Variants in XRN1 observed in about 807,000 individuals in gnomAD.
XRN1 encodes the protein 5'-3' exoribonuclease 1.
Under a neutral mutation model 222.3 loss-of-function variants are expected in XRN1, and 67 were observed. The observed-to-expected ratio is 0.30, with a 90% CI of 0.25 to 0.37. XRN1 has a LOEUF of 0.37. XRN1 is among the 10% of genes least tolerant of loss of function. The pLI is 1.00. For synonymous variants in XRN1, 643 were observed against 652.4 expected (o/e 0.99, Z 0.22); for missense variants, 1,707 against 2,000.2 (o/e 0.85, Z 2.80).
intron 2 of XRN1, among the ~76,000 whole-genome samples, chr3:142,431,935 GTA>G (rs2069599387): frequency 1.5e-5 from 1 of 66,002 alleles, no homozygotes; most frequent in African/African-American, 6.0e-5. Context: ...ATAATATATT[GTA>G]TATATTATAT....
At chr3:142,426,862 A>G in intron 2 of XRN1, 21 bp from the exon 3 acceptor site, 3 of 1,595,810 alleles carry the variant, frequency 1.9e-6, no homozygotes, top group South Asian at 1.1e-5. Flanking sequence ...AAGGGAAAAA[A>G]GTACCTTAAG....
In XRN1 at chr3:142,444,572, G is replaced by C. The variant is rs12635122; in HGVS notation, c.75+3298C>G. Among the ~76,000 whole-genome samples the C allele has an allele frequency of 0.012, 1,810 of 152,158 alleles. 61 individuals carry two copies. The East Asian group carries it at 0.13, about 11-fold the overall frequency. On this transcript the variant is annotated intron_variant, in intron 1 of 40. Transcript: ENST00000392981. ...TGCAGTGAGCCGAGATTGCGTCACT[G>C]TACTCCAGCCGGGGTGACAGAGCGC... is the stretch of plus-strand genomic sequence containing the variant.
intron 1 of XRN1, among the ~76,000 whole-genome samples, chr3:142,438,669 T>G (rs2070044011): frequency 6.6e-6 from 1 of 152,078 alleles, no homozygotes; most frequent in Non-Finnish European, 1.5e-5. Flanking sequence ...TGACTTATAC[T>G]CTTCTGCAGT....
chr3:142,355,594 G>A (rs2066443134), intron 31 of XRN1, 98 bp from the exon 32 acceptor site: 1 of 791,296 alleles, frequency 1.3e-6, no homozygotes, highest in Non-Finnish European at 1.9e-6. Flanking sequence ...TTATTCAGTG[G>A]TAGACAGGAT....
intron 21 of XRN1, among the ~76,000 whole-genome samples, chr3:142,384,204 G>A (rs756145281): frequency 5.3e-5 from 8 of 151,086 alleles, no homozygotes; most frequent in East Asian, 1.9e-4. Context: ...CCCAGAAGGC[G>A]GAGCCTGCAG....
chr3:142,429,892 T>G (rs1482160455), intron 2 of XRN1: 2 of 152,232 alleles, frequency 1.3e-5, no homozygotes, highest in Non-Finnish European at 2.9e-5. Context: ...ATCCCAGTAT[T>G]CAGTATCTTT....
In XRN1 at chr3:142,403,777, A is replaced by C. The variant is rs1220035298; in HGVS notation, c.2005-5T>G. The C allele has an allele frequency of 6.2e-7, 1 of 1,611,212 alleles. No homozygotes were observed. Among genetic ancestry groups the C allele is most frequent in the African/African-American group, 1.3e-5 (1 of 74,844 alleles). On this transcript the variant is annotated splice_region_variant and splice_polypyrimidine_tract_variant and intron_variant, in intron 17 of 40. Coordinates refer to ENST00000392981, the MANE Select transcript of XRN1 (RefSeq NM_001282857.2). ...ACCACTTTTCTTCAAAAAAAACTTT[A>C]AAAGAATTCAAATAATTTAATTTTA...
At chr3:142,396,519 A>G (rs1233182027) in intron 20 of XRN1, among the ~76,000 whole-genome samples, 1 of 152,174 alleles carries the variant, frequency 6.6e-6, no homozygotes, top group Non-Finnish European at 1.5e-5. Context: ...CACTGTTGGG[A>G]GGCAAAAATA....
intron 26 of XRN1, 106 bp downstream of exon 26, chr3:142,371,129 CAAAA>C (rs372983936): frequency 2.9e-3 from 1,857 of 639,640 alleles, no homozygotes; most frequent in East Asian, 3.5e-3. Flanking sequence ...GAACCTGTCT[CAAAA>C]AAAAAAAAAA....
intron 33 of XRN1, among the ~76,000 whole-genome samples, chr3:142,337,391 A>C (rs1213289557): frequency 6.6e-6 from 1 of 152,164 alleles, no homozygotes; most frequent in African/African-American, 2.4e-5. Context: ...ACTCCATTAT[A>C]CTCTAGGAGG....
chr3:142,315,517 T>C (rs2065190571), intron 39 of XRN1, among the ~76,000 whole-genome samples: 1 of 151,542 alleles, frequency 6.6e-6, no homozygotes, highest in African/African-American at 2.4e-5. Context: ...TTTTTCTTTT[T>C]TTTTTTTTTG....
At position 142,371,724 on chromosome 3, in the gene XRN1, C is replaced by A. The variant is rs113444666; in HGVS notation, c.2979-396G>T. On this transcript the variant is annotated intron_variant, in intron 25 of 40. Transcript: ENST00000392981. ...CATCTTCTGATAATTTTCAAAACTC[C>A]ATTTCTTTCTGAAGAGTGCAGGACT... Among the ~76,000 whole-genome samples, 358 of 152,258 alleles carry A rather than the reference C, an allele frequency of 2.4e-3. 1 individual carries two copies. Among genetic ancestry groups the A allele is most frequent in the African/African-American group, 7.9e-3 (328 of 41,556 alleles).
intron 21 of XRN1, among the ~76,000 whole-genome samples, chr3:142,384,229 G>A (rs1399442413): frequency 3.4e-5 from 5 of 145,396 alleles, no homozygotes; most frequent in East Asian, 2.0e-4. Context: ...CCGAGATGGC[G>A]CCACTGCACT....
intron 26 of XRN1, 50 bp from the exon 27 acceptor site, chr3:142,370,670 C>A: frequency 6.7e-7 from 1 of 1,481,530 alleles, no homozygotes; most frequent in Non-Finnish European, 9.0e-7. Flanking sequence ...TTTCTCAGGG[C>A]TATAAATTAT....
intron 1 of XRN1, among the ~76,000 whole-genome samples, chr3:142,442,295 G>A (rs2070256556): frequency 6.6e-6 from 1 of 152,134 alleles, no homozygotes; most frequent in Non-Finnish European, 1.5e-5. Flanking sequence ...ACACTGCCGG[G>A]GTCATCAGAA....
intron 34 of XRN1, among the ~76,000 whole-genome samples, chr3:142,333,500 T>G (rs2065762436): frequency 6.6e-6 from 1 of 152,208 alleles, no homozygotes; most frequent in Admixed American, 6.5e-5. Context: ...TAAACTTGGA[T>G]GGGGAAAATT....
intron 19 of XRN1, 22 bp from the exon 20 acceptor site, chr3:142,397,482 T>G (rs573744414): frequency 6.4e-7 from 1 of 1,560,632 alleles, no homozygotes; most frequent in African/African-American, 1.4e-5. Context: ...AAATAAAAAT[T>G]ATATAACCAA....
intron 39 of XRN1, among the ~76,000 whole-genome samples, chr3:142,317,322 T>C (rs1167005806): frequency 6.6e-6 from 1 of 152,214 alleles, no homozygotes; most frequent in Non-Finnish European, 1.5e-5. Context: ...GGGAGCTGGA[T>C]CTGTGCACTA....
In XRN1 at chr3:142,379,328, T is replaced by C. The variant is rs185455011; in HGVS notation, c.2715+754A>G. Among the ~76,000 whole-genome samples, 488 of 152,172 alleles carry C rather than the reference T, an allele frequency of 3.2e-3. 2 individuals are homozygous for C. Among genetic ancestry groups the C allele is most frequent in the African/African-American group, 9.6e-3 (400 of 41,520 alleles). On this transcript the variant is annotated intron_variant, in intron 23 of 40. Transcript: ENST00000392981. ...CAAAATTCTGAGGGAAAATAATCTC[T>C]AATCTAGGATTCTACACCCAGGCAA...
Sources: allele counts gnomAD v4.1 joint callset (sites outside exome capture counted in the v4.1 genomes callset), GRCh38; gene constraint gnomAD v4.1.1; transcripts MANE v1.5; gene names NCBI Gene and HGNC (gene_info 2026-07-23, HGNC 2026-07-21).